Variants in GRK5 observed in about 807,000 individuals in gnomAD.
The protein encoded by GRK5 is g protein-coupled receptor kinase GRK5.
GRK5 carries 40 observed loss-of-function variants against 78.4 expected under a neutral mutation model. That is an observed-to-expected ratio of 0.51 (90% CI 0.40 to 0.66). GRK5 has a LOEUF of 0.66. Ranked by LOEUF, GRK5 falls within the 30% of genes least tolerant of loss-of-function variation. The pLI, the probability that GRK5 is intolerant of heterozygous loss-of-function variation, is 0.00. For missense variants in GRK5, 598 were observed against 759.9 expected (o/e 0.79, Z 2.50); for synonymous variants, 289 against 296.8 (o/e 0.97, Z 0.27).
rs1357754280 is a variant in GRK5 at position 119,452,163 on chromosome 10, A to G, written c.1405-508A>G. Among the ~76,000 whole-genome samples, 2 of 152,202 alleles carry G rather than the reference A, an allele frequency of 1.3e-5. No homozygotes were observed. Among genetic ancestry groups the G allele is most frequent in the African/African-American group, 4.8e-5 (2 of 41,444 alleles). ...GCGCCAGGCTCGGTGGCCAGCACTG[A>G]CAGCAGCCCCATCGCCCAGGTGCCT... On this transcript the variant is annotated intron_variant, in intron 13 of 15. Coordinates refer to ENST00000392870, the MANE Select transcript of GRK5 (RefSeq NM_005308.3). This position sits in a 1 kb window ranked among gnomAD's most constrained non-coding sequence, Gnocchi z 4.4.
chr10:119,439,873 C>A, intron 10 of GRK5, 105 bp downstream of exon 10: 1 of 990,694 alleles, frequency 1.0e-6, no homozygotes, highest in Non-Finnish European at 1.6e-6. Context: ...GACCACGGGC[C>A]CCACTCCCAC....
At chr10:119,358,413 G>C (rs551477369) in intron 2 of GRK5, among the ~76,000 whole-genome samples, 1 of 152,296 alleles carries the variant, frequency 6.6e-6, no homozygotes, top group African/African-American at 2.4e-5. Flanking sequence ...GTGGTGCCAG[G>C]ATTGGACCTG....
rs1184004223 is a variant in GRK5 at position 119,378,742 on chromosome 10, A to G, written c.149-2073A>G. 6.6e-6 allele frequency among the ~76,000 whole-genome samples: 1 copy of G among 152,236 alleles called. No homozygotes were observed. Among genetic ancestry groups the G allele is most frequent in the African/African-American group, 2.4e-5 (1 of 41,460 alleles). ...AGCCCTCGGCTGACCAGTCATCCCC[A>G]AGAACCCTGCTGGCATCCCAGGGAA... On this transcript the variant is annotated intron_variant, in intron 2 of 15. Transcript: ENST00000392870. This position sits in a 1 kb window ranked among gnomAD's most constrained non-coding sequence, Gnocchi z 4.5.
intron 4 of GRK5, among the ~76,000 whole-genome samples, chr10:119,422,771 G>T (rs1452848800): frequency 1.3e-5 from 2 of 152,234 alleles, no homozygotes; most frequent in African/African-American, 4.8e-5. Context: ...TTATGGTTGG[G>T]AGCATTTGCA....
chr10:119,321,724 A>G (rs901663427), intron 1 of GRK5, among the ~76,000 whole-genome samples: 5 of 152,198 alleles, frequency 3.3e-5, no homozygotes, highest in Non-Finnish European at 7.3e-5. Context: ...TGAGGGCGTT[A>G]TCCTGCCCAC....
At chr10:119,451,541 T>C (rs1853286180) in intron 13 of GRK5, among the ~76,000 whole-genome samples, 1 of 152,184 alleles carries the variant, frequency 6.6e-6, no homozygotes, top group African/African-American at 2.4e-5. Flanking sequence ...AGCATGTGAA[T>C]GATGTGGTCT....
intron 2 of GRK5, among the ~76,000 whole-genome samples, chr10:119,344,739 C>T (rs7078834): frequency 0.057 from 8,646 of 152,212 alleles, 414 homozygotes; most frequent in African/African-American, 0.13. Flanking sequence ...ATTCCAGGTG[C>T]GGCTTATGTT....
In GRK5 at chr10:119,454,992, G is replaced by T. The variant is rs749436660; in HGVS notation, c.1698G>T (p.Ser566=). ...AGCATCAGAACAATTCCAAGAGTTC[G>T]CCCAGCTCCAAGACCAGTTTTAACC... ...KRQHQNNSKS[S]PSSKTSFNHH... is the part of the protein sequence containing the mutation. The change falls in exon 16 of 16, where the codon TCG becomes TCT. Residue 566 remains serine, a synonymous_variant. Transcript: ENST00000392870. 1 of 1,613,596 alleles carries T rather than the reference G, an allele frequency of 6.2e-7. No homozygotes were observed.
chr10:119,410,557 G>A (rs1375508505), intron 4 of GRK5, among the ~76,000 whole-genome samples: 5 of 152,142 alleles, frequency 3.3e-5, no homozygotes, highest in African/African-American at 7.2e-5. Context: ...CACCCCCGAC[G>A]CTTTGCAGCC....
At position 119,446,387 on chromosome 10, in the gene GRK5, C is replaced by T. The variant is rs144098670; in HGVS notation, c.1267-1736C>T. ...TAATAACCTGGATTTTCTGGCTTCTCTTGAAAAGCAGAAGCCCCAGGCCCT... is the reference window on the plus strand; with the variant it reads ...TAATAACCTGGATTTTCTGGCTTCTTTTGAAAAGCAGAAGCCCCAGGCCCT... On this transcript the variant is annotated intron_variant, in intron 12 of 15. Coordinates refer to ENST00000392870, the MANE Select transcript of GRK5 (RefSeq NM_005308.3). Among the ~76,000 whole-genome samples the T allele has an allele frequency of 7.2e-3, 1,090 of 152,330 alleles. 16 individuals carry two copies. Among genetic ancestry groups the T allele is most frequent in the African/African-American group, 0.025 (1,053 of 41,568 alleles).
rs946229385 is a variant in GRK5, at chr10:119,233,491, C to T, written c.52+25522C>T. 3.9e-5 allele frequency among the ~76,000 whole-genome samples: 6 copies of T among 152,044 alleles called. No individual in the cohort carries two copies. In the South Asian group the frequency reaches 8.3e-4, roughly 21 times the overall value. On this transcript the variant is annotated intron_variant, in intron 1 of 15. Coordinates refer to ENST00000392870, the MANE Select transcript of GRK5 (RefSeq NM_005308.3). ...ATCTGAGAATAAAGGCGGCATAGCA[C>T]GATGTTGAATCAAAGGCTGATGGGG... is the stretch of plus-strand genomic sequence containing the variant.
At chr10:119,404,039 TAGG>T (rs1852195285) in intron 4 of GRK5, among the ~76,000 whole-genome samples, 2 of 152,218 alleles carry the variant, frequency 1.3e-5, no homozygotes, top group Admixed American at 1.3e-4. Flanking sequence ...GGTATATACA[TAGG>T]AGTAGAATTG....
chr10:119,365,652 A>G (rs913498307), intron 2 of GRK5, among the ~76,000 whole-genome samples: 3 of 152,210 alleles, frequency 2.0e-5, no homozygotes, highest in Non-Finnish European at 4.4e-5. Context: ...GGTGATGAAC[A>G]AGACAAAAGC....
intron 1 of GRK5, among the ~76,000 whole-genome samples, chr10:119,322,970 C>T (rs572552075): frequency 2.0e-5 from 3 of 152,342 alleles, no homozygotes; most frequent in East Asian, 3.9e-4. Context: ...TATTATTCAG[C>T]CTTCAAAACA....
At chr10:119,425,911 C>T (rs552409376) in intron 6 of GRK5, among the ~76,000 whole-genome samples, 22 of 152,380 alleles carry the variant, frequency 1.4e-4, no homozygotes, top group Middle Eastern at 3.4e-3. Flanking sequence ...GTGCTGCCGA[C>T]GAGGCCCCGG....
chr10:119,321,149 G>A (rs981940505), intron 1 of GRK5, among the ~76,000 whole-genome samples: 1 of 152,190 alleles, frequency 6.6e-6, no homozygotes, highest in African/African-American at 2.4e-5. Flanking sequence ...CCTTCTCCCA[G>A]CCCATCTGAG....
chr10:119,335,745 G>A (rs746622742), intron 2 of GRK5, among the ~76,000 whole-genome samples: 180 of 152,378 alleles, frequency 1.2e-3, no homozygotes, highest in Non-Finnish European at 2.3e-3. Flanking sequence ...GCAGTCACCG[G>A]ACTTGTGTCA....
intron 3 of GRK5, among the ~76,000 whole-genome samples, chr10:119,392,398 C>T (rs1247604089): frequency 2.0e-5 from 3 of 152,260 alleles, no homozygotes; most frequent in East Asian, 3.9e-4. Flanking sequence ...CATGGGTGCT[C>T]CCTGGCACCG....
At chr10:119,391,077 G>A (rs557923745) in intron 3 of GRK5, among the ~76,000 whole-genome samples, 8 of 152,334 alleles carry the variant, frequency 5.3e-5, no homozygotes, top group Admixed American at 3.9e-4. Flanking sequence ...AGGAAATCTG[G>A]AGTTGCTCCT....
Sources: allele counts gnomAD v4.1 joint callset (sites outside exome capture counted in the v4.1 genomes callset), GRCh38; gene constraint gnomAD v4.1.1; non-coding constraint Gnocchi (gnomAD v3.1); transcripts MANE v1.5; gene names NCBI Gene and HGNC (gene_info 2026-07-23, HGNC 2026-07-21).